CFAP70: variants seen among roughly 807,000 people sequenced by gnomAD.
The protein encoded by CFAP70 is cilia- and flagella-associated protein 70.
In CFAP70, 81 loss-of-function variants were observed where a neutral mutation model predicts 137.6. That is an observed-to-expected ratio of 0.59 (90% CI 0.49 to 0.71). CFAP70 has a LOEUF of 0.71. Ranked by LOEUF, CFAP70 falls within the 30% of genes least tolerant of loss-of-function variation. The pLI is 0.00. For missense variants in CFAP70, 976 were observed against 1,226.7 expected, an observed-to-expected ratio of 0.80 and a Z score of 3.05; for synonymous variants, 382 against 423.6, an observed-to-expected ratio of 0.90 and a Z score of 1.20.
intron 25 of CFAP70, among the ~76,000 whole-genome samples, chr10:73,261,148 A>G (rs577071581): frequency 2.7e-4 from 41 of 150,358 alleles, no homozygotes; most frequent in Admixed American, 1.1e-3. Context: ...TTTTGAGACA[A>G]GATCTCATTC....
Position 73,311,917 on chromosome 10 carries a change from G to C in CFAP70, c.1084-3C>G. On this transcript the variant is annotated splice_region_variant and splice_polypyrimidine_tract_variant and intron_variant, in intron 10 of 26. Transcript: ENST00000310715. ...TGAGATTTTATACTAGGTGCCTGCT[G>C]AAAGAAAATGAACACACCTCAAAAA... The C allele has an allele frequency of 6.2e-7, 1 of 1,611,464 alleles. No individual in the cohort carries two copies. Among genetic ancestry groups the C allele is most frequent in the Non-Finnish European group, 8.5e-7 (1 of 1,177,708 alleles).
intron 12 of CFAP70, among the ~76,000 whole-genome samples, chr10:73,306,642 A>T (rs1016618445): frequency 6.6e-6 from 1 of 152,152 alleles, no homozygotes; most frequent in Non-Finnish European, 1.5e-5. Flanking sequence ...CTGAGGAGGG[A>T]TGACCACTTG....
chr10:73,337,629 G>A (rs1349339999), intron 6 of CFAP70, among the ~76,000 whole-genome samples: 1 of 152,132 alleles, frequency 6.6e-6, no homozygotes, highest in African/African-American at 2.4e-5. Context: ...TATCTGCTGG[G>A]TGCAGTGGTT....
At chr10:73,316,479 T>TAG (rs71711723) in intron 9 of CFAP70, among the ~76,000 whole-genome samples, 1 of 113,120 alleles carries the variant, frequency 8.8e-6, no homozygotes, top group East Asian at 3.8e-4. Context: ...TATATATATA[T>TAG]AGATATAGAT....
At chr10:73,349,999 T>C (rs977502727) in intron 3 of CFAP70, among the ~76,000 whole-genome samples, 2 of 152,218 alleles carry the variant, frequency 1.3e-5, no homozygotes, top group African/African-American at 4.8e-5. Context: ...AATAATTCCT[T>C]AATTCACCTA....
intron 25 of CFAP70, among the ~76,000 whole-genome samples, chr10:73,268,517 T>C (rs1168656644): frequency 6.6e-6 from 1 of 152,142 alleles, no homozygotes; most frequent in African/African-American, 2.4e-5. Context: ...TATATCCTAT[T>C]TTTTTTCCTA....
chr10:73,325,982 T>G (rs367984240), intron 8 of CFAP70, among the ~76,000 whole-genome samples: 6 of 151,968 alleles, frequency 3.9e-5, no homozygotes, highest in Admixed American at 3.9e-4. Flanking sequence ...CTGCACCAAG[T>G]AGACCTAATA....
chr10:73,302,162 G>GTA (rs1226556313), intron 12 of CFAP70, among the ~76,000 whole-genome samples: 1 of 152,104 alleles, frequency 6.6e-6, no homozygotes, highest in Non-Finnish European at 1.5e-5. Flanking sequence ...AGCCATCAGT[G>GTA]TATAGATGGT....
chr10:73,254,871 T>G (rs1449237348), intron 26 of CFAP70, among the ~76,000 whole-genome samples: 1 of 152,228 alleles, frequency 6.6e-6, no homozygotes, highest in Non-Finnish European at 1.5e-5. Context: ...CTGATGACAT[T>G]GTGGAGCTGC....
chr10:73,354,912 C>G (rs1564896944), intron 1 of CFAP70, 77 bp from the exon 2 acceptor site: 2 of 820,870 alleles, frequency 2.4e-6, no homozygotes, highest in Non-Finnish European at 4.0e-6. Flanking sequence ...ATAACCAATA[C>G]CAGGGAAAAC....
In CFAP70 at chr10:73,254,830, T is replaced by C. The variant is rs544435813; in HGVS notation, c.3076-775A>G. Among the ~76,000 whole-genome samples the C allele has an allele frequency of 2.0e-5, 3 of 152,340 alleles. No individual in the cohort carries two copies. In the South Asian group the frequency reaches 6.2e-4, roughly 32 times the overall value. On this transcript the variant is annotated intron_variant, in intron 26 of 26. Coordinates refer to ENST00000310715, the Ensembl canonical transcript of CFAP70. ...GAGGGATAGAAACTGCAGGCTACAA[T>C]TGGTGGAGCACAAAGATAGATTTTG...
At chr10:73,303,755 G>A (rs186435493) in intron 12 of CFAP70, among the ~76,000 whole-genome samples, 1 of 152,232 alleles carries the variant, frequency 6.6e-6, no homozygotes, top group Non-Finnish European at 1.5e-5. Context: ...TTCTGTATTT[G>A]TTGTAAAACT....
At position 73,270,392 on chromosome 10, in the gene CFAP70, T is replaced by TTTTTCTTTTC. The variant is rs113894398; in HGVS notation, c.2926-687_2926-678dup. ...TAAAGTAGCTCTTTTTTTCCTTTCT[T>TTTTTCTTTTC]TTTTCTTTTCTTTTCTCTTTTCTTT... On this transcript the variant is annotated intron_variant, in intron 24 of 26. Transcript: ENST00000310715. 1.9e-3 allele frequency among the ~76,000 whole-genome samples: 287 copies of TTTTTCTTTTC among 150,472 alleles called. 3 individuals are homozygous for TTTTTCTTTTC. The highest frequency in any genetic ancestry group is 6.8e-3 in the African/African-American group (275 of 40,736).
exon 21 of CFAP70, chr10:73,277,334 G>C (rs1255865700): frequency 6.2e-7 from 1 of 1,613,882 alleles, no homozygotes; most frequent in Non-Finnish European, 8.5e-7. Flanking sequence ...ATGCAGAAGA[G>C]CTGATGAATC....
intron 6 of CFAP70, among the ~76,000 whole-genome samples, chr10:73,338,975 A>G (rs1481781262): frequency 3.3e-5 from 5 of 150,260 alleles, no homozygotes; most frequent in Non-Finnish European, 7.4e-5. Context: ...GCTGGAGTGC[A>G]GTGACACAAT....
chr10:73,307,237 T>C (rs905335614), intron 12 of CFAP70, among the ~76,000 whole-genome samples: 1 of 150,566 alleles, frequency 6.6e-6, no homozygotes, highest in African/African-American at 2.4e-5. Flanking sequence ...AAGAGGGAAA[T>C]CCAAATGGCA....
intron 16 of CFAP70, among the ~76,000 whole-genome samples, chr10:73,293,019 GTTTAT>G (rs1468479188): frequency 6.6e-6 from 1 of 151,974 alleles, no homozygotes; most frequent in Non-Finnish European, 1.5e-5. Context: ...TAAGGTTGAG[GTTTAT>G]TTTATTTTTT....
At chr10:73,362,520 T>TTTGTG (rs1430059035), upstream of CFAP70, among the ~76,000 whole-genome samples, 1 of 152,062 alleles carries the variant, frequency 6.6e-6, no homozygotes, top group Non-Finnish European at 1.5e-5. Flanking sequence ...TCCTAGGGTT[T>TTTGTG]TTGTTTTGTT....
Position 73,291,268 on chromosome 10 carries a change from T to C in CFAP70, c.2197A>G (p.Thr733Ala), listed in dbSNP as rs774810820. 1.2e-6 allele frequency: 2 copies of C among 1,614,210 alleles called. No homozygotes were observed. The highest frequency in any genetic ancestry group is 3.3e-5 in the Admixed American group (2 of 60,022). ...TTGATTGCTGTTGCAGAACCATTTGTGATTCCCCAAGGGCCTAAACTAGAT... is the reference window on the plus strand; with the variant it reads ...TTGATTGCTGTTGCAGAACCATTTGCGATTCCCCAAGGGCCTAAACTAGAT... Residue 733 changes from threonine (T) to alanine (A), a missense_variant, in exon 19 of 27, where the codon ACA becomes GCA. By Grantham distance (58) the Thr-to-Ala change is moderately conservative (BLOSUM62 0). Transcript: ENST00000310715.
Sources: gnomAD v4.1 joint callset for allele counts (sites outside exome capture counted in the v4.1 genomes callset) on GRCh38, gnomAD v4.1.1 for gene constraint, MANE v1.5 for transcripts, NCBI Gene and HGNC (gene_info 2026-07-23, HGNC 2026-07-21) for gene names.